Variants in ARL15 observed in about 807,000 individuals in gnomAD.
ARL15 encodes the protein ARF like GTPase 15.
A neutral mutation model predicts 25.2 loss-of-function variants in ARL15; 19 were observed. That is an observed-to-expected ratio of 0.75 (90% CI 0.53 to 1.10). The LOEUF (loss-of-function observed/expected upper bound fraction) is 1.10, where lower values mean the gene tolerates loss of function less well. ARL15 is among the 50% of genes least tolerant of loss of function. The pLI is 0.00. For missense variants in ARL15, 220 were observed against 246.0 expected, an observed-to-expected ratio of 0.89 and a Z score of 0.71; for synonymous variants, 94 against 86.8, an observed-to-expected ratio of 1.08 and a Z score of -0.46.
At position 53,973,742 on chromosome 5, in the gene ARL15, A is replaced by T. The variant is rs201722121; in HGVS notation, c.463-87029T>A. Among the ~76,000 whole-genome samples the T allele has an allele frequency of 1.1e-4, 17 of 152,260 alleles. No homozygotes were observed. In the East Asian group the frequency reaches 3.3e-3, roughly 29 times the overall value. On this transcript the variant is annotated intron_variant, in intron 4 of 4. Transcript: ENST00000504924. ...TGGTAGAGAAAGACCCTGTCTTAAA[A>T]AAACAAAACAAAACAAACAAACAAA... is the stretch of plus-strand genomic sequence containing the variant.
chr5:53,969,826 T>C (rs939777862), intron 4 of ARL15, among the ~76,000 whole-genome samples: 2 of 152,104 alleles, frequency 1.3e-5, no homozygotes, highest in Non-Finnish European at 2.9e-5. Context: ...TAAAACTCTT[T>C]ATTGGTAAAA....
intron 4 of ARL15, among the ~76,000 whole-genome samples, chr5:54,018,364 C>CA (rs1749491348): frequency 1.3e-5 from 2 of 152,226 alleles, no homozygotes; most frequent in South Asian, 4.1e-4. Flanking sequence ...GGATTGCAGA[C>CA]ATAGATGGTG....
At chr5:54,007,790 A>G (rs535392624) in intron 4 of ARL15, among the ~76,000 whole-genome samples, 5 of 152,352 alleles carry the variant, frequency 3.3e-5, no homozygotes, top group African/African-American at 1.2e-4. Context: ...TTGAGCCAAA[A>G]GAAGATACAT....
intron 4 of ARL15, among the ~76,000 whole-genome samples, chr5:54,111,488 G>T (rs1258855413): frequency 2.6e-5 from 4 of 152,060 alleles, no homozygotes; most frequent in Non-Finnish European, 5.9e-5. Context: ...TTCCTATGGA[G>T]GGTAACCATA....
intron 3 of ARL15, among the ~76,000 whole-genome samples, chr5:54,130,398 T>C (rs772881736): frequency 2.0e-5 from 3 of 152,228 alleles, no homozygotes; most frequent in Non-Finnish European, 4.4e-5. Context: ...CATTAAATTA[T>C]GATATTTTGC....
At chr5:53,895,944 C>A (rs964885296) in intron 4 of ARL15, among the ~76,000 whole-genome samples, 2 of 152,124 alleles carry the variant, frequency 1.3e-5, no homozygotes, top group African/African-American at 2.4e-5. Flanking sequence ...ATGAGAATCA[C>A]AAAGAGAATC....
chr5:53,921,039 A>T (rs1480330932), intron 4 of ARL15, among the ~76,000 whole-genome samples: 2 of 152,248 alleles, frequency 1.3e-5, no homozygotes, highest in Non-Finnish European at 2.9e-5. Context: ...CAAGGAGCAG[A>T]GTGCCCCCAC....
rs1199875639 is a variant in ARL15 at position 53,973,039 on chromosome 5, T to C, written c.463-86326A>G. On this transcript the variant is annotated intron_variant, in intron 4 of 4. Transcript: ENST00000504924. ...CAACTGTGATGTTACTTGGAGCAAC[T>C]GCTATAGAAAAAGCATGAGTGCACT... Among the ~76,000 whole-genome samples the C allele has an allele frequency of 4.6e-5, 7 of 152,324 alleles. No individual in the cohort carries two copies. In the East Asian group the frequency reaches 1.4e-3, roughly 29 times the overall value.
At chr5:54,244,386 A>G (rs1045060492) in intron 1 of ARL15, among the ~76,000 whole-genome samples, 1 of 152,214 alleles carries the variant, frequency 6.6e-6, no homozygotes, top group African/African-American at 2.4e-5. Flanking sequence ...AAGTCTCACA[A>G]TCACACAGAA....
At chr5:54,044,753 G>A (rs1349705027) in intron 4 of ARL15, among the ~76,000 whole-genome samples, 2 of 152,038 alleles carry the variant, frequency 1.3e-5, no homozygotes, top group Non-Finnish European at 2.9e-5. Flanking sequence ...TATATTGTTT[G>A]CAAAATTGTG....
At chr5:53,931,631 T>G (rs1746197473) in intron 4 of ARL15, among the ~76,000 whole-genome samples, 1 of 152,216 alleles carries the variant, frequency 6.6e-6, no homozygotes. Flanking sequence ...CACCTTTACT[T>G]TCTTCCACTA....
intron 4 of ARL15, among the ~76,000 whole-genome samples, chr5:54,042,033 C>T (rs1358599295): frequency 6.6e-6 from 1 of 151,326 alleles, no homozygotes; most frequent in Non-Finnish European, 1.5e-5. Context: ...TGCAGTGGCA[C>T]GATCTCGGCT....
chr5:53,986,361 T>G (rs1013774288), intron 4 of ARL15, among the ~76,000 whole-genome samples: 1 of 152,242 alleles, frequency 6.6e-6, no homozygotes, highest in Admixed American at 6.5e-5. Flanking sequence ...AAATAATTTA[T>G]TTTTCAATTT....
chr5:54,065,016 G>A (rs1409939527), intron 4 of ARL15, among the ~76,000 whole-genome samples: 1 of 152,106 alleles, frequency 6.6e-6, no homozygotes, highest in Non-Finnish European at 1.5e-5. Flanking sequence ...TTGAATGGAA[G>A]GGTTTGGACA....
At chr5:54,258,573 T>A (rs1444291703) in intron 1 of ARL15, among the ~76,000 whole-genome samples, 1 of 152,150 alleles carries the variant, frequency 6.6e-6, no homozygotes, top group Non-Finnish European at 1.5e-5. Flanking sequence ...CTAATTCAAC[T>A]ATAATTCCCA....
At chr5:54,031,692 A>G (rs1749989406) in intron 4 of ARL15, among the ~76,000 whole-genome samples, 1 of 152,194 alleles carries the variant, frequency 6.6e-6, no homozygotes, top group African/African-American at 2.4e-5. Context: ...ACCACCATTC[A>G]TGGCGAGAGT....
At chr5:54,167,349 T>G (rs750755011) in intron 2 of ARL15, among the ~76,000 whole-genome samples, 5 of 152,160 alleles carry the variant, frequency 3.3e-5, no homozygotes, top group Admixed American at 6.5e-5. Context: ...ATCTCCTCAA[T>G]GCAGGGAGTT....
At chr5:53,987,800 T>A (rs1694068) in intron 4 of ARL15, among the ~76,000 whole-genome samples, 94,551 of 151,616 alleles carry the variant, frequency 0.62, 29,803 homozygotes, top group East Asian at 0.86. Flanking sequence ...AAATAAAAAT[T>A]AAAATTAAAA....
At chr5:54,096,559 C>T (rs369655719) in intron 4 of ARL15, among the ~76,000 whole-genome samples, 9 of 151,980 alleles carry the variant, frequency 5.9e-5, no homozygotes, top group East Asian at 3.9e-4. Context: ...TACAGGCACC[C>T]GCCACCACAC....
Sources: gnomAD v4.1 joint callset for allele counts (sites outside exome capture counted in the v4.1 genomes callset) on GRCh38, gnomAD v4.1.1 for gene constraint, MANE v1.5 for transcripts, NCBI Gene and HGNC (gene_info 2026-07-23, HGNC 2026-07-21) for gene names.